Variants in CNOT6 observed in about 807,000 individuals in gnomAD.
The protein encoded by CNOT6 is carbon catabolite repression 4 protein.
A neutral mutation model predicts 61.2 loss-of-function variants in CNOT6; 12 were observed. The ratio of observed to expected loss-of-function variants is 0.20; its 90% confidence interval spans 0.13 to 0.32. CNOT6 has a LOEUF of 0.32. Among genes scored for constraint, CNOT6 ranks in the 10% least tolerant of loss-of-function variants. The probability of loss-of-function intolerance (pLI) is 1.00; values close to 1 mark genes in which losing one functional copy is unlikely to be tolerated. For synonymous variants in CNOT6, 225 were observed against 240.6 expected, an observed-to-expected ratio of 0.94 and a Z score of 0.60; for missense variants, 405 against 663.9, an observed-to-expected ratio of 0.61 and a Z score of 4.28.
intron 2 of CNOT6, among the ~76,000 whole-genome samples, chr5:180,530,646 T>G (rs1195160619): frequency 1.3e-5 from 2 of 150,874 alleles, no homozygotes; most frequent in Middle Eastern, 3.4e-3. Context: ...AGGACAATAG[T>G]GGAGGGAAGG....
intron 1 of CNOT6, among the ~76,000 whole-genome samples, chr5:180,495,012 C>T (rs1040040658): frequency 1.3e-5 from 2 of 152,000 alleles, no homozygotes; most frequent in Non-Finnish European, 2.9e-5. Context: ...CGGCGGCGCG[C>T]AGAGGGGAGA....
intron 11 of CNOT6, among the ~76,000 whole-genome samples, chr5:180,572,174 T>G (rs557844089): frequency 2.0e-5 from 3 of 152,150 alleles, no homozygotes; most frequent in Non-Finnish European, 4.4e-5. Flanking sequence ...TAGCTATTTT[T>G]AAGTGTTTCT....
rs1761045107 is a variant in CNOT6, at chr5:180,577,189, G to GTGTGTGTGTGTA, written c.*2996_*2997insGTGTATGTGTGT. ...TGTGTGTGTGTGTGTGTGTGTGTGTGTGTGTGTTTAATATGATTTAGTGAC... is the reference window on the plus strand; with the variant it reads ...TGTGTGTGTGTGTGTGTGTGTGTGTGTGTGTGTGTGTATGTGTGTTTAATATGATTTAGTGAC... On this transcript the variant is annotated 3_prime_UTR_variant, in exon 12 of 12. Transcript: ENST00000261951. 1 of 152,022 alleles carries GTGTGTGTGTGTA rather than the reference G, an allele frequency of 6.6e-6. No homozygotes were observed. The highest frequency in any genetic ancestry group is 1.5e-5 in the Non-Finnish European group (1 of 67,968). 9.4% of individuals were successfully genotyped at this position (152,022 alleles called of 1,614,324 possible).
Position 180,495,143 on chromosome 5 carries a change from G to T in CNOT6, c.-3+380G>T, listed in dbSNP as rs149132232. ...CAACTTTTGAGAAGCGCCTCTGTGG[G>T]TGGCGCGCTGTGTGGAGTGTGGAGC... is the stretch of plus-strand genomic sequence containing the variant. On this transcript the variant is annotated intron_variant, in intron 1 of 11. Coordinates refer to ENST00000261951, the MANE Select transcript of CNOT6 (RefSeq NM_001370472.1). Among the ~76,000 whole-genome samples the T allele has an allele frequency of 1.6e-4, 24 of 152,354 alleles. No homozygotes were observed. In the East Asian group the frequency reaches 4.6e-3, roughly 29 times the overall value.
chr5:180,526,795 C>T (rs1176338559), intron 1 of CNOT6, among the ~76,000 whole-genome samples: 1 of 151,748 alleles, frequency 6.6e-6, no homozygotes, highest in East Asian at 1.9e-4. Context: ...AGGGAATATG[C>T]ATGGGAGTGA....
intron 1 of CNOT6, among the ~76,000 whole-genome samples, chr5:180,505,251 A>ATTTT (rs70973919): frequency 1.8e-4 from 11 of 60,424 alleles, no homozygotes; most frequent in African/African-American, 4.6e-4. Flanking sequence ...GTAATAGTTA[A>ATTTT]TTTTTTTTTT....
In CNOT6 at chr5:180,550,156, C is replaced by T. The variant is rs752545408; in HGVS notation, c.299+39C>T. The T allele has an allele frequency of 8.5e-6, 13 of 1,537,886 alleles. No homozygotes were observed. The African/African-American group carries it at 9.6e-5, about 11-fold the overall frequency. On this transcript the variant is annotated intron_variant, in intron 3 of 11. Transcript: ENST00000261951. ...ACTTAATACATACTAGCTATATGAC[C>T]CCTAAAACAAAATATAGGCCGGGCG...
At chr5:180,561,510 T>C (rs1259685008) in intron 4 of CNOT6, among the ~76,000 whole-genome samples, 4 of 152,164 alleles carry the variant, frequency 2.6e-5, no homozygotes, top group Admixed American at 2.0e-4. Flanking sequence ...CTTTTTGCAT[T>C]TGATATCTTC....
intron 1 of CNOT6, among the ~76,000 whole-genome samples, chr5:180,518,405 C>T (rs371660704): frequency 6.6e-6 from 1 of 151,828 alleles, no homozygotes; most frequent in African/African-American, 2.4e-5. Flanking sequence ...GCCATTATTC[C>T]GGAGATAATA....
intron 1 of CNOT6, among the ~76,000 whole-genome samples, chr5:180,521,588 A>C (rs930425497): frequency 6.6e-6 from 1 of 152,190 alleles, no homozygotes; most frequent in African/African-American, 2.4e-5. Context: ...TTTTAGATCC[A>C]AGGGGTACAT....
intron 1 of CNOT6, among the ~76,000 whole-genome samples, chr5:180,499,718 A>C (rs1265494472): frequency 6.6e-6 from 1 of 152,250 alleles, no homozygotes; most frequent in Admixed American, 6.5e-5. Flanking sequence ...TGGTTAAGAA[A>C]TATATAGATA....
chr5:180,530,722 C>A (rs1439440190), intron 2 of CNOT6, among the ~76,000 whole-genome samples: 3 of 152,230 alleles, frequency 2.0e-5, no homozygotes, highest in African/African-American at 4.8e-5. Flanking sequence ...CGGCCTTCCG[C>A]AGTGTTTGTG....
intron 6 of CNOT6, 149 bp from the exon 7 acceptor site, chr5:180,565,670 TC>T (rs1314146875): frequency 3.3e-6 from 2 of 608,290 alleles, no homozygotes; most frequent in African/African-American, 1.9e-5. Flanking sequence ...CTTTTATTTA[TC>T]CCCCATATGT....
chr5:180,497,972 G>GAATC (rs1198824468), intron 1 of CNOT6, among the ~76,000 whole-genome samples: 1 of 151,808 alleles, frequency 6.6e-6, no homozygotes, highest in East Asian at 1.9e-4. Context: ...GAACCTGGGA[G>GAATC]GCAGAGCCTG....
In CNOT6 at chr5:180,567,997, A is replaced by G. The variant is rs148358771; in HGVS notation, c.1021A>G (p.Met341Val). 1.2e-6 allele frequency: 2 copies of G among 1,605,446 alleles called. No individual in the cohort carries two copies. Among genetic ancestry groups the G allele is most frequent in the Non-Finnish European group, 1.7e-6 (2 of 1,173,718 alleles). ...AGAACTTCGGAAGGAATCGATTGAA[A>G]TGCCGTGTGAGTGCCCTTCACTTCC... ...LLELRKESIE[M>V]PSGKPHLGTE... The change falls in exon 9 of 12, where the codon ATG becomes GTG. Residue 341 changes from methionine (M) to valine (V), a missense_variant. Transcript: ENST00000261951.
At chr5:180,564,305 A>G (rs528353261) in intron 4 of CNOT6, among the ~76,000 whole-genome samples, 184 bp from the exon 5 acceptor site, 2 of 152,348 alleles carry the variant, frequency 1.3e-5, no homozygotes, top group South Asian at 4.1e-4. Context: ...GAATGTGTAT[A>G]TAGAACATGG....
At chr5:180,539,681 C>T (rs531983734) in intron 2 of CNOT6, among the ~76,000 whole-genome samples, 1 of 142,544 alleles carries the variant, frequency 7.0e-6, no homozygotes, top group Non-Finnish European at 1.5e-5. Context: ...GCTCTGCCTC[C>T]CAGGTTCACG....
intron 2 of CNOT6, among the ~76,000 whole-genome samples, chr5:180,548,167 G>A (rs145535720): frequency 3.9e-5 from 6 of 152,308 alleles, no homozygotes; most frequent in Non-Finnish European, 7.3e-5. Context: ...TGCCAGTTTA[G>A]TGGGTTTTGT....
chr5:180,572,378 C>T (rs1248457979), intron 11 of CNOT6, among the ~76,000 whole-genome samples: 7 of 151,742 alleles, frequency 4.6e-5, no homozygotes, highest in Admixed American at 1.3e-4. Context: ...TTGGTAGAGA[C>T]GGAGTTTCAC....
Sources: gnomAD v4.1 joint callset for allele counts (sites outside exome capture counted in the v4.1 genomes callset) on GRCh38, gnomAD v4.1.1 for gene constraint, MANE v1.5 for transcripts, NCBI Gene and HGNC (gene_info 2026-07-23, HGNC 2026-07-21) for gene names.